PDX1: variants seen among roughly 807,000 people sequenced by gnomAD.
PDX1 encodes the protein pancreatic and duodenal homeobox 1, also known as pancreas/duodenum homeobox protein 1.
PDX1 carries 7 observed loss-of-function variants against 11.1 expected under a neutral mutation model. The ratio of observed to expected loss-of-function variants is 0.63; its 90% CI spans 0.36 to 1.19. PDX1 has a LOEUF of 1.19. PDX1 is among the 50% of genes most tolerant of loss of function. The probability of loss-of-function intolerance (pLI) is 0.02; values close to 1 mark genes in which losing one functional copy is unlikely to be tolerated. For synonymous variants in PDX1, 232 were observed against 196.2 expected, an observed-to-expected ratio of 1.18 and a Z score of -1.53; for missense variants, 449 against 412.1, an observed-to-expected ratio of 1.09 and a Z score of -0.78.
chr13:27,920,115 G>T lies in PDX1; in HGVS notation c.-24G>T, dbSNP rs779510037. Reference sequence around the variant, plus strand: ...TCCCGGCTCCCGGCTCCCGGCTCCCGGTGCCCAATCCCGGGCCGCAGCCAT... The same window carrying T: ...TCCCGGCTCCCGGCTCCCGGCTCCCTGTGCCCAATCCCGGGCCGCAGCCAT... On this transcript the variant is annotated 5_prime_UTR_variant, in exon 1 of 2. Coordinates refer to ENST00000381033, the MANE Select transcript of PDX1 (RefSeq NM_000209.4). The T allele has an allele frequency of 1.3e-6, 2 of 1,548,908 alleles. No individual in the cohort carries two copies.
intron 1 of PDX1, among the ~76,000 whole-genome samples, chr13:27,922,770 C>A (rs181095292): frequency 6.2e-4 from 94 of 152,330 alleles, no homozygotes; most frequent in African/African-American, 2.2e-3. Context: ...CTCGCAGGGA[C>A]TATACGAAGC....
rs1293105325 is a variant in PDX1, at chr13:27,924,066, G to A, written c.407-190G>A. Among the ~76,000 whole-genome samples, 3 of 152,242 alleles carry A rather than the reference G, an allele frequency of 2.0e-5. No homozygotes were observed. The highest frequency in any genetic ancestry group is 1.3e-4 in the Admixed American group (2 of 15,284). On this transcript the variant is annotated intron_variant, in intron 1 of 1. Transcript: ENST00000381033. The surrounding 1 kb of genome is among the most constrained non-coding windows in gnomAD (Gnocchi z 4.8). ...AAAAAGGCTATCTTTATTAGGAAGG[G>A]CTTGAGTTACTAGGGAAGAGCTTCG...
At position 27,920,112 on chromosome 13, in the gene PDX1, C is replaced by T. The variant is rs1344199021; in HGVS notation, c.-27C>T. 13 of 1,549,014 alleles carry T rather than the reference C, an allele frequency of 8.4e-6. No individual in the cohort carries two copies. The highest frequency in any genetic ancestry group is 5.9e-5 in the Admixed American group (3 of 50,906). On this transcript the variant is annotated 5_prime_UTR_variant, in exon 1 of 2. Coordinates refer to ENST00000381033, the MANE Select transcript of PDX1 (RefSeq NM_000209.4). ...GACTCCCGGCTCCCGGCTCCCGGCT[C>T]CCGGTGCCCAATCCCGGGCCGCAGC...
Position 27,926,090 on chromosome 13 carries a change from T to C in PDX1, c.*1389T>C, listed in dbSNP as rs1957823881. 6.6e-6 allele frequency: 1 copy of C among 152,334 alleles called. No homozygotes were observed. The highest frequency in any genetic ancestry group is 2.1e-4 in the South Asian group (1 of 4,822). 9.4% of individuals were successfully genotyped at this position (152,334 alleles called of 1,614,324 possible). ...AAACCAGTTATCTTATTTAACATTT[T>C]AAAAATTACCTAACAGTTATTTACA... On this transcript the variant is annotated 3_prime_UTR_variant, in exon 2 of 2. Transcript: ENST00000381033.
In PDX1 at chr13:27,920,458, G is replaced by T. The variant is rs1037129874; in HGVS notation, c.320G>T (p.Gly107Val). The T allele has an allele frequency of 6.2e-7, 1 of 1,601,422 alleles. No individual in the cohort carries two copies. The change falls in exon 1 of 2, where the codon GGC becomes GTC. Residue 107 changes from glycine (G) to valine (V), a missense_variant. By Grantham distance (109) the Gly-to-Val change is moderately radical. Transcript: ENST00000381033. ...CCCTTCCCGGAGGGAGCCGAGCCGG[G>T]CGTCCTGGAGGAGCCCAACCGCGTC... ...AGPFPEGAEPGVLEEPNRVQL... is the reference protein window; with the variant it reads ...AGPFPEGAEPVVLEEPNRVQL...
chr13:27,926,079 A>T lies in PDX1; in HGVS notation c.*1378A>T, dbSNP rs1161893424. On this transcript the variant is annotated 3_prime_UTR_variant, in exon 2 of 2. Coordinates refer to ENST00000381033, the MANE Select transcript of PDX1 (RefSeq NM_000209.4). ...GAGGGTTTGGAAAACCAGTTATCTT[A>T]TTTAACATTTTAAAAATTACCTAAC... The T allele has an allele frequency of 1.3e-5, 2 of 152,212 alleles. No homozygotes were observed. Among genetic ancestry groups the T allele is most frequent in the Non-Finnish European group, 2.9e-5 (2 of 68,032 alleles). The allele number at this position is 152,212 out of a possible 1,614,324, so 9.4% of individuals were successfully genotyped here.
In PDX1 at chr13:27,924,220, T is replaced by C. The variant is rs1360364589; in HGVS notation, c.407-36T>C. ...TGCGTGGGTGGGGGCTGTGCGGGGC[T>C]CCGGGGGCCACACTCACGCCCTGTG... On this transcript the variant is annotated intron_variant, in intron 1 of 1. Coordinates refer to ENST00000381033, the MANE Select transcript of PDX1 (RefSeq NM_000209.4). The surrounding 1 kb of genome is among the most constrained non-coding windows in gnomAD (Gnocchi z 4.8). The C allele has an allele frequency of 1.3e-6, 2 of 1,523,444 alleles. No homozygotes were observed. Among genetic ancestry groups the C allele is most frequent in the Admixed American group, 2.0e-5 (1 of 51,224 alleles). The allele number at this position is 1,523,444 out of a possible 1,614,324, so 94.4% of individuals were successfully genotyped here. A position where few individuals can be genotyped will look rare whatever the true frequency, so the allele number is the denominator to read the frequency against.
chr13:27,924,616 C>A lies in PDX1; in HGVS notation c.767C>A (p.Ala256Asp). 6.8e-7 allele frequency: 1 copy of A among 1,470,182 alleles called. No individual in the cohort carries two copies. Among genetic ancestry groups the A allele is most frequent in the Non-Finnish European group, 9.0e-7 (1 of 1,116,296 alleles). The allele number at this position is 1,470,182 out of a possible 1,614,324, so 91.1% of individuals were successfully genotyped here. A position where few individuals can be genotyped will look rare whatever the true frequency, so the allele number is the denominator to read the frequency against. The change falls in exon 2 of 2, where the codon GCC becomes GAC. Residue 256 changes from alanine to aspartate, a missense_variant. Ala to Asp is a moderately radical substitution (Grantham distance 126). This residue lies in a region of PDX1 where 139 missense variants were observed against 121.4 expected (regional missense o/e 1.14). Transcript: ENST00000381033. This position sits in a 1 kb window ranked among gnomAD's most constrained non-coding sequence, Gnocchi z 4.8. ...GTGCCGCCCGCTGCCCCCGTTGCCG[C>A]CCGAGAGGGCCGCCTGCCGCCTGGC... ...GAVPPAAPVAAREGRLPPGLS... is the reference protein window; with the variant it reads ...GAVPPAAPVADREGRLPPGLS...
In PDX1 at chr13:27,920,043, G is replaced by C; in HGVS notation, c.-96G>C. ...TCAAAGCGAGCAGGGGTGGCGCCGG[G>C]AGTGGGAACGCCACACAGTGCCAAA... is the stretch of plus-strand genomic sequence containing the variant. On this transcript the variant is annotated 5_prime_UTR_variant, in exon 1 of 2. Transcript: ENST00000381033. 3.5e-6 allele frequency: 5 copies of C among 1,433,334 alleles called. No homozygotes were observed. The highest frequency in any genetic ancestry group is 2.5e-5 in the East Asian group (1 of 40,220). 88.8% of individuals were successfully genotyped at this position (1,433,334 alleles called of 1,614,324 possible).
rs147791430 is a variant in PDX1, at chr13:27,925,580, T to A, written c.*879T>A. The A allele has an allele frequency of 6.7e-3, 1,306 of 194,890 alleles. 17 individuals are homozygous for A. Among genetic ancestry groups the A allele is most frequent in the African/African-American group, 0.03 (1,229 of 41,442 alleles). 12.1% of individuals were successfully genotyped at this position (194,890 alleles called of 1,614,324 possible). A position where few individuals can be genotyped will look rare whatever the true frequency, so the allele number is the denominator to read the frequency against. On this transcript the variant is annotated 3_prime_UTR_variant, in exon 2 of 2. Transcript: ENST00000381033. ...CTCCTCCTCCTCTTCTTCTCCCTCC[T>A]CTTCCTCCTCCTCTTTCTTCCTGAC...
Position 27,920,282 on chromosome 13 carries a change from C to A in PDX1, c.144C>A (p.His48Gln), listed in dbSNP as rs1324540775. Residue 48 changes from histidine (H) to glutamine (Q), a missense_variant, in exon 1 of 2, where the codon CAC (histidine) becomes CAA (glutamine). This residue lies in a region of PDX1 where 263 missense variants were observed against 212.5 expected (regional missense o/e 1.24). Coordinates refer to ENST00000381033, the MANE Select transcript of PDX1 (RefSeq NM_000209.4). Reference protein sequence around the residue: ...MGRQPPPPPPHPFPGALGALE... With the variant: ...MGRQPPPPPPQPFPGALGALE... ...GCCAGCCCCCGCCGCCGCCGCCGCACCCGTTCCCTGGCGCCCTGGGCGCGC... is the reference window on the plus strand; with the variant it reads ...GCCAGCCCCCGCCGCCGCCGCCGCAACCGTTCCCTGGCGCCCTGGGCGCGC... 2.6e-6 allele frequency: 4 copies of A among 1,540,534 alleles called. No individual in the cohort carries two copies. The highest frequency in any genetic ancestry group is 2.0e-5 in the Admixed American group (1 of 50,244).
Position 27,920,516 on chromosome 13 carries a change from A to G in PDX1, c.378A>G (p.Lys126=), listed in dbSNP as rs762584321. The stretch of plus-strand genomic sequence containing the variant: ...CTTTCCCATGGATGAAGTCTACCAA[A>G]GCTCACGCGTGGAAAGGCCAGTGGG... ...QLPFPWMKST[K]AHAWKGQWAG... The change falls in exon 1 of 2, where the codon AAA becomes AAG. Residue 126 remains lysine (K), a synonymous_variant. Coordinates refer to ENST00000381033, the MANE Select transcript of PDX1 (RefSeq NM_000209.4). The G allele has an allele frequency of 2.5e-6, 4 of 1,612,862 alleles. No homozygotes were observed. Among genetic ancestry groups the G allele is most frequent in the Non-Finnish European group, 2.5e-6 (3 of 1,179,972 alleles).
In PDX1 at chr13:27,924,625, G is replaced by T. The variant is rs1317925376; in HGVS notation, c.776G>T (p.Gly259Val). ...PPAAPVAARE[G>V]RLPPGLSASP... ...GCTGCCCCCGTTGCCGCCCGAGAGGGCCGCCTGCCGCCTGGCCTTAGCGCG... is the reference window on the plus strand; with the variant it reads ...GCTGCCCCCGTTGCCGCCCGAGAGGTCCGCCTGCCGCCTGGCCTTAGCGCG... Residue 259 changes from glycine to valine, a missense_variant, in exon 2 of 2, where the codon GGC becomes GTC. Coordinates refer to ENST00000381033, the MANE Select transcript of PDX1 (RefSeq NM_000209.4). This position sits in a 1 kb window ranked among gnomAD's most constrained non-coding sequence, Gnocchi z 4.8. 2 of 1,472,338 alleles carry T rather than the reference G, an allele frequency of 1.4e-6. No individual in the cohort carries two copies. Among genetic ancestry groups the T allele is most frequent in the African/African-American group, 2.9e-5 (2 of 68,120 alleles). 91.2% of individuals were successfully genotyped at this position (1,472,338 alleles called of 1,614,324 possible). A position where few individuals can be genotyped will look rare whatever the true frequency, so the allele number is the denominator to read the frequency against.
Position 27,920,147 on chromosome 13 carries a change from C to T in PDX1, c.9C>T (p.Gly3=). 1 of 1,549,766 alleles carries T rather than the reference C, an allele frequency of 6.5e-7. No individual in the cohort carries two copies. Among genetic ancestry groups the T allele is most frequent in the Non-Finnish European group, 8.7e-7 (1 of 1,146,676 alleles). Residue 3 remains glycine (G), a synonymous_variant, in exon 1 of 2, where the codon GGC becomes GGT. Transcript: ENST00000381033. The part of the protein sequence containing the change: MN[G]EEQYYAATQL... ...AATCCCGGGCCGCAGCCATGAACGGCGAGGAGCAGTACTACGCGGCCACGC... is the reference window on the plus strand; with the variant it reads ...AATCCCGGGCCGCAGCCATGAACGGTGAGGAGCAGTACTACGCGGCCACGC...
intron 1 of PDX1, among the ~76,000 whole-genome samples, chr13:27,921,005 G>C (rs1402485488): frequency 6.6e-6 from 1 of 152,168 alleles, no homozygotes; most frequent in Admixed American, 6.5e-5. Context: ...CACTTCCCGC[G>C]CTTCGTTAAG....
At chr13:27,920,635 G>A (rs539662722) in intron 1 of PDX1, 91 bp downstream of exon 1, 2 of 1,381,464 alleles carry the variant, frequency 1.4e-6, no homozygotes. Flanking sequence ...CTCTGTTCCC[G>A]GCGCCTTGGA....
chr13:27,924,821 G>A lies in PDX1; in HGVS notation c.*120G>A, dbSNP rs1175298672. ...GCAGTTGAATGGGGCGGCAATTGCG[G>A]GGCCCACCTTAGACCGAAGGGGAAA... On this transcript the variant is annotated 3_prime_UTR_variant, in exon 2 of 2. Coordinates refer to ENST00000381033, the MANE Select transcript of PDX1 (RefSeq NM_000209.4). The surrounding 1 kb of genome is among the most constrained non-coding windows in gnomAD (Gnocchi z 4.8). 2 of 850,406 alleles carry A rather than the reference G, an allele frequency of 2.4e-6. No individual in the cohort carries two copies. The highest frequency in any genetic ancestry group is 3.2e-6 in the Non-Finnish European group (2 of 621,894). The allele number at this position is 850,406 out of a possible 1,614,324, so 52.7% of individuals were successfully genotyped here.
intron 1 of PDX1, among the ~76,000 whole-genome samples, chr13:27,921,198 C>T (rs1375415799): frequency 6.6e-6 from 1 of 152,248 alleles, no homozygotes; most frequent in Non-Finnish European, 1.5e-5. Flanking sequence ...AACGTCAGAG[C>T]CTGGCAGCTA....
At position 27,920,239 on chromosome 13, in the gene PDX1, C is replaced by A. The variant is rs750219172; in HGVS notation, c.101C>A (p.Ala34Glu). ...CCGGAGTTCAGCGCCAGCCCCCCTG[C>A]GTGCCTGTACATGGGCCGCCAGCCC... Reference protein sequence around the residue: ...PAPEFSASPPACLYMGRQPPP... With the variant: ...PAPEFSASPPECLYMGRQPPP... Residue 34 changes from alanine (A) to glutamate (E), a missense_variant, in exon 1 of 2, where the codon GCG (alanine) becomes GAG (glutamate). Around this residue, in one of 3 missense-constraint regions of PDX1, gnomAD observed 263 missense variants for 212.5 expected, o/e 1.24. Transcript: ENST00000381033. 3.9e-6 allele frequency: 6 copies of A among 1,547,892 alleles called. No homozygotes were observed. Among genetic ancestry groups the A allele is most frequent in the Non-Finnish European group, 4.4e-6 (5 of 1,145,786 alleles).
Sources: allele counts gnomAD v4.1 joint callset (sites outside exome capture counted in the v4.1 genomes callset), GRCh38; gene constraint gnomAD v4.1.1; regional missense constraint gnomAD v4.1.1; non-coding constraint Gnocchi (gnomAD v3.1); transcripts MANE v1.5; gene names NCBI Gene and HGNC (gene_info 2026-07-23, HGNC 2026-07-21).